Variants in ZFAND3 observed in about 807,000 individuals in gnomAD.
The protein encoded by ZFAND3 is zinc finger AN1-type containing 3, also known as AN1-type zinc finger protein 3.
In ZFAND3, 10 loss-of-function variants were observed where a neutral mutation model predicts 29.6. The observed-to-expected ratio is 0.34, with a 90% CI of 0.21 to 0.57. The LOEUF is 0.57. Ranked by LOEUF, ZFAND3 falls within the 20% of genes least tolerant of loss-of-function variation. ZFAND3 has a pLI of 0.86. For synonymous variants in ZFAND3, 128 were observed against 112.6 expected, an observed-to-expected ratio of 1.14 and a Z score of -0.87; for missense variants, 230 against 304.5, an observed-to-expected ratio of 0.76 and a Z score of 1.82.
At chr6:37,985,294 TAAAAC>T (rs1229650043) in intron 2 of ZFAND3, among the ~76,000 whole-genome samples, 3 of 151,942 alleles carry the variant, frequency 2.0e-5, no homozygotes, top group Admixed American at 1.3e-4. Flanking sequence ...AAAAATAAAA[TAAAAC>T]AAACATTTCT....
chr6:38,037,344 C>G (rs1403557559), intron 2 of ZFAND3, among the ~76,000 whole-genome samples: 1 of 152,196 alleles, frequency 6.6e-6, no homozygotes, highest in Non-Finnish European at 1.5e-5. Flanking sequence ...ATCAGCAGTT[C>G]AGTAGAACAG....
chr6:38,024,552 C>G (rs1001273056), intron 2 of ZFAND3, among the ~76,000 whole-genome samples: 3 of 151,956 alleles, frequency 2.0e-5, no homozygotes, highest in Non-Finnish European at 4.4e-5. Context: ...AGGCAGCAGC[C>G]TATTTCTTCC....
rs376879181 is a variant in ZFAND3, at chr6:38,107,757, C to T, written c.362-8815C>T. On this transcript the variant is annotated intron_variant, in intron 4 of 5. Transcript: ENST00000287218. ...CTGAGGCAGGAAGATCACTTGAGCC[C>T]AGGAGGTTAAGGCTGCAGTGAGCCA... is the stretch of plus-strand genomic sequence containing the variant. Among the ~76,000 whole-genome samples, 45 of 152,256 alleles carry T rather than the reference C, an allele frequency of 3.0e-4. No homozygotes were observed. The East Asian group carries it at 8.3e-3, about 28-fold the overall frequency.
chr6:37,887,977 T>C (rs1186265170), intron 1 of ZFAND3, among the ~76,000 whole-genome samples: 1 of 152,216 alleles, frequency 6.6e-6, no homozygotes, highest in Non-Finnish European at 1.5e-5. Flanking sequence ...CCGTCATTCT[T>C]GACTATACTA....
chr6:38,045,528 C>T (rs1763886406), intron 2 of ZFAND3, among the ~76,000 whole-genome samples: 1 of 151,936 alleles, frequency 6.6e-6, no homozygotes, highest in African/African-American at 2.4e-5. Context: ...AATTTTGTTC[C>T]TAATTTGATA....
At chr6:38,043,600 C>G (rs532209956) in intron 2 of ZFAND3, among the ~76,000 whole-genome samples, 3 of 149,368 alleles carry the variant, frequency 2.0e-5, no homozygotes, top group Non-Finnish European at 4.5e-5. Flanking sequence ...TCACCTCCTT[C>G]TCTTCCTTTC....
chr6:38,015,058 G>T (rs2127445415), intron 2 of ZFAND3, among the ~76,000 whole-genome samples: 1 of 152,206 alleles, frequency 6.6e-6, no homozygotes, highest in South Asian at 2.1e-4. Flanking sequence ...TTTATTTAAG[G>T]TCTACAAGGA....
chr6:37,844,193 G>C (rs1386989968), intron 1 of ZFAND3, among the ~76,000 whole-genome samples: 1 of 151,764 alleles, frequency 6.6e-6, no homozygotes, highest in Non-Finnish European at 1.5e-5. Context: ...TAAAGTGTTG[G>C]GATTATAGGC....
chr6:37,831,596 A>C (rs35609407), intron 1 of ZFAND3, among the ~76,000 whole-genome samples: 19,897 of 152,196 alleles, frequency 0.13, 2,124 homozygotes, highest in African/African-American at 0.3. Context: ...TGGGCAGCTT[A>C]CCTAGATGGG....
At chr6:37,847,773 T>A (rs1035754862) in intron 1 of ZFAND3, among the ~76,000 whole-genome samples, 2 of 152,268 alleles carry the variant, frequency 1.3e-5, no homozygotes, top group African/African-American at 4.8e-5. Flanking sequence ...AGAATTTTTT[T>A]ATAAGAATGA....
intron 1 of ZFAND3, among the ~76,000 whole-genome samples, chr6:37,895,953 A>G (rs1387452652): frequency 6.6e-6 from 1 of 152,162 alleles, no homozygotes; most frequent in Non-Finnish European, 1.5e-5. Context: ...GAGGTTTTCC[A>G]TTCTTACTGA....
At chr6:37,855,673 C>CT (rs1462199580) in intron 1 of ZFAND3, among the ~76,000 whole-genome samples, 1 of 151,990 alleles carries the variant, frequency 6.6e-6, no homozygotes, top group Non-Finnish European at 1.5e-5. Flanking sequence ...AGTATCTTTT[C>CT]TTTTTGGGGG....
At chr6:38,005,249 C>G (rs906934475) in intron 2 of ZFAND3, among the ~76,000 whole-genome samples, 2 of 152,130 alleles carry the variant, frequency 1.3e-5, no homozygotes, top group Non-Finnish European at 2.9e-5. Context: ...TATATCTCTA[C>G]TCTCACTCTG....
intron 1 of ZFAND3, among the ~76,000 whole-genome samples, chr6:37,852,574 T>C (rs1764300939): frequency 6.6e-6 from 1 of 152,226 alleles, no homozygotes; most frequent in Non-Finnish European, 1.5e-5. Flanking sequence ...ATTTCTTCTC[T>C]TTTTGGAATG....
intron 5 of ZFAND3, among the ~76,000 whole-genome samples, chr6:38,148,788 C>T (rs1260356751): frequency 6.6e-6 from 1 of 152,188 alleles, no homozygotes; most frequent in Non-Finnish European, 1.5e-5. Context: ...CACCAAAATG[C>T]ATTTCACCAT....
intron 2 of ZFAND3, among the ~76,000 whole-genome samples, chr6:37,976,061 T>C (rs1762471974): frequency 6.6e-6 from 1 of 152,194 alleles, no homozygotes. Context: ...AAATTTCATA[T>C]TTTTTGTTGT....
intron 2 of ZFAND3, among the ~76,000 whole-genome samples, chr6:38,006,889 A>T (rs929828906): frequency 5.9e-5 from 9 of 152,086 alleles, no homozygotes; most frequent in Non-Finnish European, 1.2e-4. Context: ...ATTGATGGGG[A>T]TAATTAATAA....
chr6:37,856,950 CT>C (rs60050000), intron 1 of ZFAND3, among the ~76,000 whole-genome samples: 54,553 of 147,810 alleles, frequency 0.37, 10,930 homozygotes, highest in Non-Finnish European at 0.48. Context: ...AACTCTTGAC[CT>C]TTTTTTTTTT....
chr6:38,154,445 C>CT lies in ZFAND3; in HGVS notation c.*2058dup. Reference sequence around the variant, plus strand: ...TGAAGTTTGTTAAATGTAAGGAAAGCTTAAATTCTTGTATCTTTAAAAGAG... The same window carrying CT: ...TGAAGTTTGTTAAATGTAAGGAAAGCTTTAAATTCTTGTATCTTTAAAAGAG... On this transcript the variant is annotated 3_prime_UTR_variant, in exon 6 of 6. Transcript: ENST00000287218. The CT allele has an allele frequency of 1.0e-6, 1 of 985,770 alleles. No homozygotes were observed. The highest frequency in any genetic ancestry group is 1.1e-4 in the East Asian group (1 of 8,816). The allele number at this position is 985,770 out of a possible 1,614,324, so 61.1% of individuals were successfully genotyped here. A position where few individuals can be genotyped will look rare whatever the true frequency, so the allele number is the denominator to read the frequency against.
Sources: gnomAD v4.1 joint callset for allele counts (sites outside exome capture counted in the v4.1 genomes callset) on GRCh38, gnomAD v4.1.1 for gene constraint, MANE v1.5 for transcripts, NCBI Gene and HGNC (gene_info 2026-07-23, HGNC 2026-07-21) for gene names.